The following CLEC4A variants were observed in gnomAD, a reference collection of about 807,000 sequenced individuals.
CLEC4A encodes C-type lectin domain family 4 member A, also known as C-type (calcium dependent, carbohydrate-recognition domain) lectin, superfamily member 6.
CLEC4A carries 27 observed loss-of-function variants against 32.7 expected under a neutral mutation model. The observed-to-expected ratio is 0.83, with a 90% CI of 0.61 to 1.14. CLEC4A has a LOEUF of 1.14. Ranked by LOEUF, CLEC4A falls within the 50% of genes most tolerant of loss-of-function variation. The probability of loss-of-function intolerance (pLI) is 0.00; values close to 1 mark genes in which losing one functional copy is unlikely to be tolerated. For missense variants in CLEC4A, 253 were observed against 274.6 expected (o/e 0.92, Z 0.55); for synonymous variants, 89 against 93.7 (o/e 0.95, Z 0.29).
intron 1 of CLEC4A, among the ~76,000 whole-genome samples, chr12:8,124,250 C>T (rs1400006045): frequency 6.6e-6 from 1 of 152,056 alleles, no homozygotes; most frequent in Non-Finnish European, 1.5e-5. Flanking sequence ...GCTCTGATGC[C>T]CCTGTGTTTT....
the CLEC4A span, among the ~76,000 whole-genome samples, chr12:8,111,450 G>A: frequency 1.3e-5 from 2 of 152,278 alleles, no homozygotes; most frequent in African/African-American, 2.4e-5. Flanking sequence ...AAAGTGCTGG[G>A]ATTACAGGTG....
At chr12:8,103,373 GTTGTT>G in the CLEC4A span, among the ~76,000 whole-genome samples, 23 of 78,034 alleles carry the variant, frequency 2.9e-4, 3 homozygotes, top group African/African-American at 1.1e-3. Context: ...GTTTCTTTCT[GTTGTT>G]TTTTTTTTTT....
chr12:8,127,279 G>T (rs1206734405), intron 2 of CLEC4A, among the ~76,000 whole-genome samples: 1 of 152,192 alleles, frequency 6.6e-6, no homozygotes, highest in African/African-American at 2.4e-5. Context: ...CATGGCAACT[G>T]GCAGGCTTTT....
At chr12:8,119,754 A>G (rs73244061), upstream of CLEC4A, among the ~76,000 whole-genome samples, 3,130 of 152,244 alleles carry the variant, frequency 0.021, 102 homozygotes, top group African/African-American at 0.072. Flanking sequence ...GATATCAACT[A>G]CCTGGACTTA....
upstream of CLEC4A, among the ~76,000 whole-genome samples, chr12:8,119,769 A>G (rs1252091455): frequency 5.3e-5 from 8 of 152,328 alleles, no homozygotes; most frequent in East Asian, 1.4e-3. Context: ...GACTTAGGCC[A>G]AATTTCACAG....
Position 8,129,767 on chromosome 12 carries a change from C to T in CLEC4A, c.298+405C>T, listed in dbSNP as rs112999776. ...GGTTGTGCCACTGCACTCCACCTGG[C>T]GACGGAGCAAGATTCCGCCTCAAAA... On this transcript the variant is annotated intron_variant, in intron 3 of 5. Coordinates refer to ENST00000229332, the MANE Select transcript of CLEC4A (RefSeq NM_016184.4). Among the ~76,000 whole-genome samples, 887 of 152,194 alleles carry T rather than the reference C, an allele frequency of 5.8e-3. 7 individuals carry two copies. Among genetic ancestry groups the T allele is most frequent in the African/African-American group, 0.02 (828 of 41,524 alleles).
chr12:8,103,373 G>GTTTTTTTTTTTTTTTTTTTTTTTTTTTTT, the CLEC4A span, among the ~76,000 whole-genome samples: 86 of 78,020 alleles, frequency 1.1e-3, 22 homozygotes, highest in Middle Eastern at 0.017. Context: ...GTTTCTTTCT[G>GTTTTTTTTTTTTTTTTTTTTTTTTTTTTT]TTGTTTTTTT....
At position 8,132,111 on chromosome 12, in the gene CLEC4A, C is replaced by A. The variant is rs770158673; in HGVS notation, c.298+2749C>A. Among the ~76,000 whole-genome samples the A allele has an allele frequency of 2.0e-5, 3 of 152,112 alleles. No homozygotes were observed. In the East Asian group the frequency reaches 5.8e-4, roughly 29 times the overall value. Reference sequence around the variant, plus strand: ...TCCAATACTGCTCTATTTTGTAGTTCCAGCTTTGGACATTGGGAACTTTTT... The same window carrying A: ...TCCAATACTGCTCTATTTTGTAGTTACAGCTTTGGACATTGGGAACTTTTT... On this transcript the variant is annotated intron_variant, in intron 3 of 5. Coordinates refer to ENST00000229332, the MANE Select transcript of CLEC4A (RefSeq NM_016184.4).
intron 3 of CLEC4A, chr12:8,134,599 C>A: frequency 6.2e-7 from 1 of 1,612,642 alleles, no homozygotes; most frequent in Non-Finnish European, 8.5e-7. Flanking sequence ...TCTTGGGGCA[C>A]TAGCCCCACT....
At chr12:8,137,021 T>G in intron 5 of CLEC4A, 118 bp downstream of exon 5, 1 of 579,640 alleles carries the variant, frequency 1.7e-6, no homozygotes, top group Non-Finnish European at 3.1e-6. Flanking sequence ...TCTTGGGTAC[T>G]AGGTTAAATA....
chr12:8,107,488 G>A, the CLEC4A span, among the ~76,000 whole-genome samples: 1 of 152,092 alleles, frequency 6.6e-6, no homozygotes, highest in African/African-American at 2.4e-5. Context: ...GTAGAATTTG[G>A]CTGTGAATCC....
chr12:8,115,665 G>A, the CLEC4A span, among the ~76,000 whole-genome samples: 40 of 152,200 alleles, frequency 2.6e-4, no homozygotes, highest in Admixed American at 1.8e-3. Flanking sequence ...GAGTTATATA[G>A]GTCTGAAGAT....
the CLEC4A span, among the ~76,000 whole-genome samples, chr12:8,110,961 T>C: frequency 2.0e-5 from 3 of 151,778 alleles, no homozygotes; most frequent in African/African-American, 4.8e-5. Context: ...ACAAGCTCCG[T>C]CTCCCAGGTT....
chr12:8,105,793 C>T, the CLEC4A span, among the ~76,000 whole-genome samples: 727 of 152,254 alleles, frequency 4.8e-3, 2 homozygotes, highest in African/African-American at 0.016. Context: ...ATCAGATCTT[C>T]GTCAGATGCA....
chr12:8,132,965 A>G (rs776842674), intron 3 of CLEC4A, among the ~76,000 whole-genome samples: 3 of 151,482 alleles, frequency 2.0e-5, no homozygotes, highest in African/African-American at 7.3e-5. Context: ...CCCAGGCTGG[A>G]GTGCAGTGGT....
In CLEC4A at chr12:8,138,221, C is replaced by G. The variant is rs764741902; in HGVS notation, c.648C>G (p.Gly216=). ...LNFRKSPKRW[G]WNDVNCLGPQ... ...TTCGTAAATCACCCAAAAGATGGGGCTGGAATGATGTTAATTGTCTTGGTC... is the reference window on the plus strand; with the variant it reads ...TTCGTAAATCACCCAAAAGATGGGGGTGGAATGATGTTAATTGTCTTGGTC... Residue 216 remains glycine (G), a synonymous_variant, in exon 6 of 6, where the codon GGC becomes GGG. Coordinates refer to ENST00000229332, the MANE Select transcript of CLEC4A (RefSeq NM_016184.4). 6.2e-7 allele frequency: 1 copy of G among 1,614,120 alleles called. No homozygotes were observed. Among genetic ancestry groups the G allele is most frequent in the South Asian group, 1.1e-5 (1 of 91,070 alleles).
At chr12:8,104,888 C>G in the CLEC4A span, among the ~76,000 whole-genome samples, 2 of 152,154 alleles carry the variant, frequency 1.3e-5, no homozygotes, top group African/African-American at 4.8e-5. Context: ...ATCTATGTTG[C>G]TGCCAAGGAC....
chr12:8,135,026 TAA>T (rs1244278284), intron 3 of CLEC4A, among the ~76,000 whole-genome samples: 2 of 111,794 alleles, frequency 1.8e-5, no homozygotes, highest in African/African-American at 3.4e-5. Flanking sequence ...CTTTGTCAGA[TAA>T]TTCTAACAAT....
the CLEC4A span, among the ~76,000 whole-genome samples, chr12:8,116,039 C>T: frequency 6.6e-5 from 10 of 152,186 alleles, no homozygotes; most frequent in Non-Finnish European, 1.3e-4. Flanking sequence ...CGGCTTACCA[C>T]AACCTCTGCC....
Sources: gnomAD v4.1 joint callset for allele counts (sites outside exome capture counted in the v4.1 genomes callset) on GRCh38, gnomAD v4.1.1 for gene constraint, MANE v1.5 for transcripts, NCBI Gene and HGNC (gene_info 2026-07-23, HGNC 2026-07-21) for gene names.